TDP1: variants seen among roughly 807,000 people sequenced by gnomAD.
The protein encoded by TDP1 is tyrosyl-DNA phosphodiesterase 1.
Under a neutral mutation model 81.5 loss-of-function variants are expected in TDP1, and 64 were observed. That is an observed-to-expected ratio of 0.79 (90% CI 0.64 to 0.97). The LOEUF (loss-of-function observed/expected upper bound fraction) is 0.97, where lower values mean the gene tolerates loss of function less well. Ranked by LOEUF, TDP1 falls within the 50% of genes least tolerant of loss-of-function variation. The pLI is 0.00. For synonymous variants in TDP1, 256 were observed against 264.3 expected (o/e 0.97, Z 0.30); for missense variants, 723 against 743.8 (o/e 0.97, Z 0.33).
chr14:89,981,956 T>C (rs1895022761), intron 8 of TDP1, among the ~76,000 whole-genome samples: 1 of 152,170 alleles, frequency 6.6e-6, no homozygotes, highest in South Asian at 2.1e-4. Flanking sequence ...CCACCGTGCC[T>C]GGCCCCAAGT....
chr14:90,034,747 CAGAGA>C (rs560578831), intron 16 of TDP1, among the ~76,000 whole-genome samples: 15 of 152,308 alleles, frequency 9.8e-5, no homozygotes, highest in African/African-American at 3.6e-4. Flanking sequence ...TAAATCTGAA[CAGAGA>C]AAAGATTTTT....
At chr14:89,974,253 T>C (rs1051916065) in intron 6 of TDP1, among the ~76,000 whole-genome samples, 1 of 152,232 alleles carries the variant, frequency 6.6e-6, no homozygotes, top group Non-Finnish European at 1.5e-5. Context: ...ACAATATCTA[T>C]TGAAGCTATT....
chr14:90,033,461 C>G, intron 16 of TDP1: 1 of 540,526 alleles, frequency 1.9e-6, no homozygotes, highest in African/African-American at 1.9e-5. Flanking sequence ...TGCTGATAAA[C>G]CCCTCATGAA....
At chr14:89,980,201 A>C in intron 7 of TDP1, 1 of 985,440 alleles carries the variant, frequency 1.0e-6, no homozygotes, top group Non-Finnish European at 1.2e-6. Context: ...TTGAATCTCA[A>C]ACACCAGACC....
intron 5 of TDP1, among the ~76,000 whole-genome samples, chr14:89,968,696 G>A (rs900843495): frequency 4.6e-5 from 7 of 152,204 alleles, no homozygotes; most frequent in African/African-American, 1.2e-4. Flanking sequence ...GCTCCTCCTC[G>A]CAGTAGTATC....
At chr14:89,974,683 G>A (rs1894066813) in intron 6 of TDP1, among the ~76,000 whole-genome samples, 2 of 152,128 alleles carry the variant, frequency 1.3e-5, no homozygotes, top group Non-Finnish European at 2.9e-5. Context: ...ATGTGATCTC[G>A]TTCCTGACAA....
In TDP1 at chr14:90,025,468, A is replaced by G. The variant is rs533955717; in HGVS notation, c.1644+6050A>G. On this transcript the variant is annotated intron_variant, in intron 15 of 16. Coordinates refer to ENST00000335725, the MANE Select transcript of TDP1 (RefSeq NM_018319.4). ...AACCTAACTTGTAAAGTATGTTGTC[A>G]ATAGCTTCCCCTTTGACTAAGAACA... 1.1e-3 allele frequency among the ~76,000 whole-genome samples: 165 copies of G among 152,288 alleles called. 2 individuals are homozygous for G. In the South Asian group the frequency reaches 0.034, roughly 31 times the overall value.
At chr14:90,028,101 A>G (rs1886867550) in intron 15 of TDP1, among the ~76,000 whole-genome samples, 1 of 152,202 alleles carries the variant, frequency 6.6e-6, no homozygotes, top group Non-Finnish European at 1.5e-5. Context: ...AAATCCTGTT[A>G]GGTTTACACT....
At chr14:89,998,412 A>ATGTATGTATG (rs1334088177) in intron 14 of TDP1, among the ~76,000 whole-genome samples, 4 of 95,872 alleles carry the variant, frequency 4.2e-5, no homozygotes, top group African/African-American at 2.2e-4. Context: ...ATATATATAT[A>ATGTATGTATG]TATATATATA....
At chr14:90,032,403 G>T (rs1390005363) in intron 15 of TDP1, among the ~76,000 whole-genome samples, 1 of 152,084 alleles carries the variant, frequency 6.6e-6, no homozygotes, top group Admixed American at 6.5e-5. Context: ...AGAATGCCAG[G>T]ATGATCCACG....
chr14:89,962,724 TAGCC>T (rs1228395769), intron 2 of TDP1, among the ~76,000 whole-genome samples: 9 of 151,710 alleles, frequency 5.9e-5, no homozygotes, highest in African/African-American at 2.2e-4. Flanking sequence ...AAAAAAAAAT[TAGCC>T]AGACGTGATG....
At chr14:90,005,114 ATT>A (rs1211739589) in intron 14 of TDP1, among the ~76,000 whole-genome samples, 1 of 152,196 alleles carries the variant, frequency 6.6e-6, no homozygotes, top group African/African-American at 2.4e-5. Flanking sequence ...CTGACCATAT[ATT>A]GGACTATTCA....
intron 14 of TDP1, 150 bp from the exon 15 acceptor site, chr14:90,019,166 C>CTTTT: frequency 7.0e-7 from 1 of 1,427,052 alleles, no homozygotes; most frequent in Non-Finnish European, 9.5e-7. Context: ...TTTAAATTCT[C>CTTTT]TTTTCAAAAA....
chr14:89,968,151 C>T (rs1229750008), intron 5 of TDP1, among the ~76,000 whole-genome samples: 1 of 144,682 alleles, frequency 6.9e-6, no homozygotes, highest in African/African-American at 2.7e-5. Context: ...GCAGCTTTGG[C>T]ACTTGGGGCT....
chr14:89,991,937 A>G lies in TDP1; in HGVS notation c.1387A>G (p.Ser463Gly), dbSNP rs1596575426. The change falls in exon 13 of 17, where the codon AGC becomes GGC. Residue 463 changes from serine to glycine, a missense_variant. Transcript: ENST00000335725. ...AAAAGCTGGGGGCTCTCTTCCCTAT[A>G]GCATCCAGACAGCTGAAAAACAGAA... Reference protein sequence around the residue: ...GYPAGGSLPYSIQTAEKQNWL... With the variant: ...GYPAGGSLPYGIQTAEKQNWL... 6.2e-7 allele frequency: 1 copy of G among 1,612,244 alleles called. No individual in the cohort carries two copies.
In TDP1 at chr14:89,997,661, C is replaced by A. The variant is rs1896755990; in HGVS notation, c.1541+4178C>A. ...CAACGCCTGGGCATTGAGGAACATA[C>A]AAGAAATACATATCAGGTGGGCTTT... On this transcript the variant is annotated intron_variant, in intron 14 of 16. Coordinates refer to ENST00000335725, the MANE Select transcript of TDP1 (RefSeq NM_018319.4). Among the ~76,000 whole-genome samples the A allele has an allele frequency of 2.6e-5, 4 of 152,122 alleles. No homozygotes were observed. The South Asian group carries it at 8.3e-4, about 32-fold the overall frequency.
At chr14:90,032,724 C>T in intron 15 of TDP1, 1 of 984,890 alleles carries the variant, frequency 1.0e-6, no homozygotes, top group Non-Finnish European at 1.2e-6. Flanking sequence ...CAGCCTGTTA[C>T]TATAGCAATG....
chr14:89,996,364 G>A (rs1896651402), intron 14 of TDP1, among the ~76,000 whole-genome samples: 1 of 152,134 alleles, frequency 6.6e-6, no homozygotes, highest in Non-Finnish European at 1.5e-5. Context: ...AGCCTCCTTT[G>A]CCCCTGAAGT....
At chr14:89,960,935 T>A (rs1173434480) in intron 2 of TDP1, among the ~76,000 whole-genome samples, 2 of 152,202 alleles carry the variant, frequency 1.3e-5, no homozygotes, top group African/African-American at 4.8e-5. Context: ...AGCTTAGTTC[T>A]TATAAAGGGC....
Sources: gnomAD v4.1 joint callset for allele counts (sites outside exome capture counted in the v4.1 genomes callset) on GRCh38, gnomAD v4.1.1 for gene constraint, MANE v1.5 for transcripts, NCBI Gene and HGNC (gene_info 2026-07-23, HGNC 2026-07-21) for gene names.